SLC44A5: variants seen among roughly 807,000 people sequenced by gnomAD.
SLC44A5 encodes the protein choline transporter-like protein 5.
In SLC44A5, 57 loss-of-function variants were observed where a neutral mutation model predicts 101.8. That is an observed-to-expected ratio of 0.56 (90% CI 0.45 to 0.70). SLC44A5 has a LOEUF of 0.70. Ranked by LOEUF, SLC44A5 falls within the 30% of genes least tolerant of loss-of-function variation. SLC44A5 has a pLI of 0.00. For missense variants in SLC44A5, 737 were observed against 853.1 expected (o/e 0.86, Z 1.70); for synonymous variants, 281 against 290.9 (o/e 0.97, Z 0.35).
At chr1:75,630,717 T>C in the SLC44A5 span, among the ~76,000 whole-genome samples, 1 of 152,104 alleles carries the variant, frequency 6.6e-6, no homozygotes. Context: ...AAAGAGTAAA[T>C]AAACCGTCAT....
At chr1:75,650,385 G>T in the SLC44A5 span, among the ~76,000 whole-genome samples, 1 of 152,050 alleles carries the variant, frequency 6.6e-6, no homozygotes, top group Non-Finnish European at 1.5e-5. Flanking sequence ...CCTTTATTTT[G>T]GGAAGGCACA....
chr1:75,591,766 G>A (rs902220967), intron 1 of SLC44A5, among the ~76,000 whole-genome samples: 5 of 151,630 alleles, frequency 3.3e-5, no homozygotes, highest in African/African-American at 1.2e-4. Context: ...ACAGAATGAA[G>A]GATAAAAATC....
the SLC44A5 span, among the ~76,000 whole-genome samples, chr1:75,666,305 C>T: frequency 5.7e-4 from 87 of 152,168 alleles, no homozygotes; most frequent in South Asian, 1.7e-3. Context: ...AACACCTCTA[C>T]ACAAATAAAC....
the SLC44A5 span, among the ~76,000 whole-genome samples, chr1:75,709,189 G>A: frequency 2.0e-5 from 3 of 152,034 alleles, no homozygotes; most frequent in African/African-American, 4.8e-5. Flanking sequence ...AAATATACAC[G>A]GCTCCCTTTA....
chr1:75,685,582 T>A, the SLC44A5 span, among the ~76,000 whole-genome samples: 2 of 152,194 alleles, frequency 1.3e-5, no homozygotes, highest in African/African-American at 4.8e-5. Flanking sequence ...ATGGTCCATA[T>A]CACTGTCAGC....
At chr1:75,588,528 C>CG (rs1443848250) in intron 1 of SLC44A5, among the ~76,000 whole-genome samples, 2 of 150,778 alleles carry the variant, frequency 1.3e-5, no homozygotes, top group African/African-American at 2.4e-5. Context: ...TCCGAAAGTT[C>CG]GGAAAAAAAA....
At chr1:75,599,360 G>A (rs769105135) in intron 1 of SLC44A5, among the ~76,000 whole-genome samples, 4 of 152,066 alleles carry the variant, frequency 2.6e-5, no homozygotes, top group East Asian at 1.9e-4. Context: ...AACTGATAGC[G>A]CATCAACAGA....
chr1:75,238,599 AT>A lies in SLC44A5; in HGVS notation c.569del (p.Asn190MetfsTer4). The A allele has an allele frequency of 3.8e-6, 6 of 1,584,922 alleles. No individual in the cohort carries two copies. The highest frequency in any genetic ancestry group is 4.3e-6 in the Non-Finnish European group (5 of 1,163,892). On this transcript the variant is annotated frameshift_variant, in exon 10 of 24. Coordinates refer to ENST00000370859, the MANE Select transcript of SLC44A5 (RefSeq NM_001130058.2). LOFTEE classifies it high-confidence loss of function. ...TCTTACTTCCTATTGTTAAAGTGCC[AT>A]TTTTGGTAGAGAAGTCAGGGAAACA... ...QRCFPDFSTK[N>X]GTLTIGSKMM...
intron 13 of SLC44A5, among the ~76,000 whole-genome samples, chr1:75,224,667 C>T (rs1425447510): frequency 6.6e-6 from 1 of 151,886 alleles, no homozygotes; most frequent in Non-Finnish European, 1.5e-5. Flanking sequence ...AACTCCTGGG[C>T]TCAAATGATC....
chr1:75,679,261 A>C, the SLC44A5 span, among the ~76,000 whole-genome samples: 2 of 152,160 alleles, frequency 1.3e-5, no homozygotes, highest in Non-Finnish European at 2.9e-5. Context: ...AACACAGAGA[A>C]CGCCACAAAG....
At chr1:75,334,455 G>A (rs1480908204) in intron 4 of SLC44A5, among the ~76,000 whole-genome samples, 2 of 152,158 alleles carry the variant, frequency 1.3e-5, no homozygotes, top group African/African-American at 4.8e-5. Context: ...TCAGGCAGTT[G>A]TCCTGGGAAA....
intron 2 of SLC44A5, among the ~76,000 whole-genome samples, chr1:75,519,561 A>G (rs1487011887): frequency 1.3e-5 from 2 of 152,162 alleles, no homozygotes; most frequent in African/African-American, 2.4e-5. Context: ...CCGTCTCAAA[A>G]AAAAAAAAAT....
intron 2 of SLC44A5, among the ~76,000 whole-genome samples, chr1:75,460,374 C>T (rs545979537): frequency 6.6e-6 from 1 of 152,312 alleles, no homozygotes; most frequent in East Asian, 1.9e-4. Context: ...ATAAATATTT[C>T]ACAAAATGTA....
rs964812859 is a variant in SLC44A5 at position 75,465,757 on chromosome 1, T to G, written c.14-69136A>C. Reference sequence around the variant, plus strand: ...TTAGTGGCTACTATGAGCAACTATATGCCAATAAATTAAAAAATCTAGAAG... The same window carrying G: ...TTAGTGGCTACTATGAGCAACTATAGGCCAATAAATTAAAAAATCTAGAAG... On this transcript the variant is annotated intron_variant, in intron 2 of 23. Transcript: ENST00000370859. Among the ~76,000 whole-genome samples, 3 of 152,090 alleles carry G rather than the reference T, an allele frequency of 2.0e-5. No individual in the cohort carries two copies. In the East Asian group the frequency reaches 5.8e-4, roughly 29 times the overall value.
At chr1:75,528,964 C>T (rs867946200) in intron 2 of SLC44A5, among the ~76,000 whole-genome samples, 9 of 152,194 alleles carry the variant, frequency 5.9e-5, no homozygotes, top group Non-Finnish European at 1.2e-4. Context: ...CAACTCGCTT[C>T]TGTGTATTAT....
At chr1:75,517,431 C>T (rs1222536225) in intron 2 of SLC44A5, among the ~76,000 whole-genome samples, 4 of 148,360 alleles carry the variant, frequency 2.7e-5, no homozygotes, top group African/African-American at 9.9e-5. Flanking sequence ...AAGTCAGTGA[C>T]AAAAAAAAAC....
the SLC44A5 span, among the ~76,000 whole-genome samples, chr1:75,654,629 G>T: frequency 6.6e-6 from 1 of 152,098 alleles, no homozygotes; most frequent in Non-Finnish European, 1.5e-5. Context: ...AATGAGCAAA[G>T]AATCTCACAA....
chr1:75,527,202 G>A lies in SLC44A5; in HGVS notation c.13+14233C>T, dbSNP rs768283899. 2.0e-4 allele frequency among the ~76,000 whole-genome samples: 30 copies of A among 150,488 alleles called. 1 individual carries two copies. Among genetic ancestry groups the A allele is most frequent in the African/African-American group, 6.6e-4 (27 of 40,906 alleles). ...GAAAGAAAAAAAGAGAAGGAAGGAA[G>A]GGAGTGAAGGAGGGAGGAAGACAGA... is the stretch of plus-strand genomic sequence containing the variant. On this transcript the variant is annotated intron_variant, in intron 2 of 23. Coordinates refer to ENST00000370859, the MANE Select transcript of SLC44A5 (RefSeq NM_001130058.2).
At chr1:75,509,280 G>A (rs1479733818) in intron 2 of SLC44A5, among the ~76,000 whole-genome samples, 1 of 152,202 alleles carries the variant, frequency 6.6e-6, no homozygotes, top group African/African-American at 2.4e-5. Flanking sequence ...AAAAGAGTAA[G>A]AGAAATGAAT....
Sources: allele counts gnomAD v4.1 joint callset (sites outside exome capture counted in the v4.1 genomes callset), GRCh38; gene constraint gnomAD v4.1.1; transcripts MANE v1.5; gene names NCBI Gene and HGNC (gene_info 2026-07-23, HGNC 2026-07-21).